FBXL2: variants seen among roughly 807,000 people sequenced by gnomAD.
FBXL2 encodes the protein F-box/LRR-repeat protein 2.
FBXL2 carries 38 observed loss-of-function variants against 69.2 expected under a neutral mutation model. That is an observed-to-expected ratio of 0.55 (90% CI 0.42 to 0.72). The LOEUF (loss-of-function observed/expected upper bound fraction) is 0.72. FBXL2 is among the 30% of genes least tolerant of loss of function. The pLI, the probability that FBXL2 is intolerant of heterozygous loss-of-function variation, is 0.00. For missense variants in FBXL2, 354 were observed against 520.3 expected, an observed-to-expected ratio of 0.68 and a Z score of 3.11; for synonymous variants, 192 against 201.3, an observed-to-expected ratio of 0.95 and a Z score of 0.39.
At chr3:33,336,815 G>A (rs2039617236) in intron 2 of FBXL2, among the ~76,000 whole-genome samples, 1 of 152,096 alleles carries the variant, frequency 6.6e-6, no homozygotes, top group Non-Finnish European at 1.5e-5. Flanking sequence ...TGAGGCAGGG[G>A]AATCGCTTGA....
intron 12 of FBXL2, chr3:33,396,837 A>G (rs1404994446): frequency 1.5e-6 from 1 of 681,310 alleles, no homozygotes; most frequent in African/African-American, 1.8e-5. Flanking sequence ...CTTACAGTCT[A>G]CCTCTGCCCT....
chr3:33,392,467 A>C, downstream of FBXL2: 1 of 1,035,510 alleles, frequency 9.7e-7, no homozygotes, highest in East Asian at 2.6e-5. Context: ...TGAGTAAAGC[A>C]ATCATTTTAA....
downstream of FBXL2, chr3:33,391,427 A>C (rs2154054132): frequency 6.6e-6 from 1 of 152,266 alleles, no homozygotes; most frequent in African/African-American, 2.4e-5. Flanking sequence ...TCCCTAAATG[A>C]CCTTAACAAC....
intron 12 of FBXL2, chr3:33,402,819 G>A (rs1480038881): frequency 6.3e-7 from 1 of 1,594,474 alleles, no homozygotes; most frequent in African/African-American, 1.4e-5. Flanking sequence ...GACACTGCAA[G>A]TGCTCTGCTG....
chr3:33,369,439 G>A (rs1371524565), intron 5 of FBXL2, among the ~76,000 whole-genome samples: 4 of 151,984 alleles, frequency 2.6e-5, no homozygotes, highest in Non-Finnish European at 5.9e-5. Flanking sequence ...TTGCTTTAGA[G>A]TTTATTGACT....
At chr3:33,326,139 C>A (rs777017534) in intron 2 of FBXL2, among the ~76,000 whole-genome samples, 34 of 152,270 alleles carry the variant, frequency 2.2e-4, no homozygotes, top group Non-Finnish European at 3.5e-4. Context: ...CTCTCACACT[C>A]TGAGATAACA....
intron 5 of FBXL2, among the ~76,000 whole-genome samples, chr3:33,370,613 T>TTC (rs150677344): frequency 1.3e-5 from 2 of 151,346 alleles, no homozygotes; most frequent in South Asian, 2.1e-4. Context: ...TATCACTGGT[T>TTC]TCTCTCTCTC....
chr3:33,362,325 G>A (rs988521318), intron 4 of FBXL2, among the ~76,000 whole-genome samples: 2 of 152,306 alleles, frequency 1.3e-5, no homozygotes, highest in Middle Eastern at 3.4e-3. Flanking sequence ...TAACTAAGTA[G>A]TGTGTGAATC....
At chr3:33,381,371 A>G (rs1339633224) in intron 13 of FBXL2, among the ~76,000 whole-genome samples, 3 of 152,226 alleles carry the variant, frequency 2.0e-5, no homozygotes, top group African/African-American at 7.2e-5. Flanking sequence ...TTGGCTGGGC[A>G]CGGTGGCTCA....
intron 2 of FBXL2, among the ~76,000 whole-genome samples, chr3:33,357,960 T>C (rs1407914824): frequency 6.6e-6 from 1 of 152,216 alleles, no homozygotes; most frequent in Non-Finnish European, 1.5e-5. Flanking sequence ...GTACTGCATG[T>C]GGGTGCATTA....
intron 2 of FBXL2, among the ~76,000 whole-genome samples, chr3:33,308,727 T>C (rs752469727): frequency 6.6e-6 from 1 of 152,212 alleles, no homozygotes; most frequent in Non-Finnish European, 1.5e-5. Context: ...TAATGCTATA[T>C]TATAATATTA....
intron 2 of FBXL2, among the ~76,000 whole-genome samples, chr3:33,352,097 C>T (rs188138173): frequency 4.7e-4 from 72 of 152,094 alleles, no homozygotes; most frequent in African/African-American, 1.7e-3. Flanking sequence ...CTCCAGTAAT[C>T]GAGACATGTA....
chr3:33,364,827 G>A, intron 5 of FBXL2, 108 bp downstream of exon 5: 1 of 1,021,340 alleles, frequency 9.8e-7, no homozygotes, highest in Non-Finnish European at 1.5e-6. Context: ...TCTTTCTGTG[G>A]TAATTTGCAT....
intron 1 of FBXL2, 83 bp downstream of exon 1, chr3:33,277,598 G>C (rs2033421131): frequency 1.6e-6 from 2 of 1,227,852 alleles, no homozygotes; most frequent in South Asian, 8.0e-5. Context: ...CGCTAGGGTC[G>C]GGCAGGCGGC....
At chr3:33,411,729 ATAACT>A in the FBXL2 span, 2 of 1,517,254 alleles carry the variant, frequency 1.3e-6, no homozygotes, top group South Asian at 2.3e-5. Flanking sequence ...TCCACTTTAA[ATAACT>A]TAAAAAACTT....
intron 4 of FBXL2, among the ~76,000 whole-genome samples, chr3:33,360,835 A>C (rs111921974): frequency 7.3e-6 from 1 of 136,482 alleles, no homozygotes; most frequent in African/African-American, 2.7e-5. Context: ...CAAAATACTT[A>C]CTCTTTTTCT....
intron 2 of FBXL2, among the ~76,000 whole-genome samples, chr3:33,337,135 G>A (rs2039651821): frequency 1.3e-5 from 2 of 152,114 alleles, no homozygotes; most frequent in African/African-American, 4.8e-5. Context: ...AACCCGGGAG[G>A]TGGAGGTTGC....
At chr3:33,365,304 G>A (rs1183643922) in intron 5 of FBXL2, among the ~76,000 whole-genome samples, 2 of 145,724 alleles carry the variant, frequency 1.4e-5, no homozygotes, top group African/African-American at 2.5e-5. Flanking sequence ...TTTTGAGACC[G>A]AGTCTCACTC....
intron 4 of FBXL2, among the ~76,000 whole-genome samples, chr3:33,360,216 GT>G (rs1037887724): frequency 4.0e-5 from 6 of 151,296 alleles, no homozygotes; most frequent in African/African-American, 9.7e-5. Context: ...GTATATATTG[GT>G]TTTTTTTTGT....
Sources: allele counts gnomAD v4.1 joint callset (sites outside exome capture counted in the v4.1 genomes callset), GRCh38; gene constraint gnomAD v4.1.1; transcripts MANE v1.5; gene names NCBI Gene and HGNC (gene_info 2026-07-23, HGNC 2026-07-21).